The following KIAA1586 variants were observed in gnomAD, a reference collection of about 807,000 sequenced individuals.
KIAA1586 encodes KIAA1586, also known as E3 SUMO-protein ligase KIAA1586.
Under a neutral mutation model 6.1 loss-of-function variants are expected in KIAA1586, and 5 were observed. The ratio of observed to expected loss-of-function variants is 0.82; its 90% CI spans 0.43 to 1.73. The LOEUF (loss-of-function observed/expected upper bound fraction) is 1.73, where lower values mean the gene tolerates loss of function less well. KIAA1586 is among the 40% of genes most tolerant of loss of function. The pLI is 0.02. For missense variants in KIAA1586, 899 were observed against 878.2 expected (o/e 1.02, Z -0.30); for synonymous variants, 280 against 301.7 (o/e 0.93, Z 0.75).
chr6:57,052,145 T>C (rs1015715335), intron 3 of KIAA1586, among the ~76,000 whole-genome samples: 4 of 152,250 alleles, frequency 2.6e-5, no homozygotes, highest in Non-Finnish European at 5.9e-5. Flanking sequence ...GCCCTTCATA[T>C]ACTGTGGGTT....
At position 57,053,347 on chromosome 6, in the gene KIAA1586, A is replaced by G; in HGVS notation, c.848A>G (p.Asn283Ser). The change falls in exon 4 of 4, where the codon AAT (asparagine) becomes AGT (serine). Residue 283 changes from asparagine (N) to serine (S), a missense_variant. By Grantham distance (46) the Asn-to-Ser change is conservative. Transcript: ENST00000370733. ...QEKNGEVNCL[N>S]TRYSATRIAE... ...AAAAATGGAGAGGTAAATTGTTTAA[A>G]TACACGTTACAGTGCAACAAGAATA... is the stretch of plus-strand genomic sequence containing the variant. The G allele has an allele frequency of 6.2e-7, 1 of 1,612,684 alleles. No homozygotes were observed. The highest frequency in any genetic ancestry group is 8.5e-7 in the Non-Finnish European group (1 of 1,179,198).
chr6:57,054,985 G>A lies in KIAA1586; in HGVS notation c.*122G>A. The A allele has an allele frequency of 8.9e-7, 1 of 1,124,618 alleles. No homozygotes were observed. The highest frequency in any genetic ancestry group is 1.2e-6 in the Non-Finnish European group (1 of 821,174). 69.7% of individuals were successfully genotyped at this position (1,124,618 alleles called of 1,614,324 possible). ...TTATCAGCATGTTGCTGTTTAAAAG[G>A]CGTTCTTTAAGAAGATAATCTTGAA... On this transcript the variant is annotated 3_prime_UTR_variant, in exon 4 of 4. Transcript: ENST00000370733.
At chr6:57,050,948 GGC>G in intron 3 of KIAA1586, 94 bp downstream of exon 3, 1 of 919,608 alleles carries the variant, frequency 1.1e-6, no homozygotes, top group East Asian at 2.6e-5. Flanking sequence ...ACTAATTGTT[GGC>G]CAGGCACGGT....
chr6:57,058,785 G>T (rs534916531), downstream of KIAA1586, among the ~76,000 whole-genome samples: 1 of 152,246 alleles, frequency 6.6e-6, no homozygotes, highest in South Asian at 2.1e-4. Flanking sequence ...TAAATTTACT[G>T]TAAAAAATAA....
intron 3 of KIAA1586, 48 bp downstream of exon 3, chr6:57,050,902 T>C: frequency 1.5e-6 from 2 of 1,331,534 alleles, no homozygotes; most frequent in Non-Finnish European, 2.2e-6. Context: ...TTAAGTGCAA[T>C]AGTGTGTTGG....
the KIAA1586 span, among the ~76,000 whole-genome samples, chr6:57,066,814 A>C: frequency 1.3e-5 from 2 of 152,136 alleles, no homozygotes; most frequent in African/African-American, 2.4e-5. Context: ...ATGCGGTGTC[A>C]TAGTTCTGAG....
downstream of KIAA1586, among the ~76,000 whole-genome samples, chr6:57,060,161 A>G (rs768815922): frequency 6.6e-6 from 1 of 152,184 alleles, no homozygotes; most frequent in Non-Finnish European, 1.5e-5. Flanking sequence ...TAGCAAATCT[A>G]GAGATGGCTA....
At chr6:57,064,220 T>G in the KIAA1586 span, among the ~76,000 whole-genome samples, 2 of 152,232 alleles carry the variant, frequency 1.3e-5, no homozygotes, top group African/African-American at 4.8e-5. Context: ...AAATTTAAGT[T>G]GTATTCCTAC....
In KIAA1586 at chr6:57,053,390, AGAAAT is replaced by A. The variant is rs1195140299; in HGVS notation, c.895_899del (p.Met299AspfsTer5). ...CAAGAATAGCAGAACATATTGCAAA[AGAAAT>A]GAAGATGAAGATATTTAAGAATATT... On this transcript the variant is annotated frameshift_variant, in exon 4 of 4. Coordinates refer to ENST00000370733, the MANE Select transcript of KIAA1586 (RefSeq NM_020931.4). LOFTEE classifies it low-confidence loss of function (END_TRUNC). The A allele has an allele frequency of 2.5e-6, 4 of 1,609,158 alleles. No individual in the cohort carries two copies. The highest frequency in any genetic ancestry group is 4.5e-5 in the East Asian group (2 of 44,808).
In KIAA1586 at chr6:57,050,815, C is replaced by A. The variant is rs1441426955; in HGVS notation, c.147C>A (p.Val49=). ...CTGTTCTTGAATACATCGATCTGGT[C>A]TGTGGTGATGATGAAAACCCTAGCG... ...SRPVLEYIDL[V]CGDDENPSAY... Residue 49 remains valine (V), a synonymous_variant, in exon 3 of 4, where the codon GTC becomes GTA. Coordinates refer to ENST00000370733, the MANE Select transcript of KIAA1586 (RefSeq NM_020931.4). 1 of 1,613,220 alleles carries A rather than the reference C, an allele frequency of 6.2e-7. No homozygotes were observed. Among genetic ancestry groups the A allele is most frequent in the South Asian group, 1.1e-5 (1 of 91,030 alleles).
At chr6:57,051,755 G>A (rs910979291) in intron 3 of KIAA1586, among the ~76,000 whole-genome samples, 2 of 152,288 alleles carry the variant, frequency 1.3e-5, no homozygotes, top group South Asian at 2.1e-4. Context: ...CCAGTATAGT[G>A]AAACCTCATC....
intron 2 of KIAA1586, among the ~76,000 whole-genome samples, chr6:57,049,857 A>G (rs147729054): frequency 2.0e-5 from 3 of 152,310 alleles, no homozygotes; most frequent in South Asian, 2.1e-4. Flanking sequence ...AGGGTAGTGT[A>G]TATGTAAAGA....
intron 2 of KIAA1586, among the ~76,000 whole-genome samples, chr6:57,048,823 C>G (rs1373631260): frequency 2.6e-5 from 4 of 152,076 alleles, no homozygotes; most frequent in Admixed American, 1.3e-4. Flanking sequence ...ACGTCTGATT[C>G]ATGATCCATG....
At chr6:57,055,323 A>C (rs1828481750), downstream of KIAA1586, 1 of 150,654 alleles carries the variant, frequency 6.6e-6, no homozygotes, top group South Asian at 2.1e-4. Context: ...TAAAAGTAAA[A>C]TTTTTATTTA....
Position 57,054,148 on chromosome 6 carries a change from T to C in KIAA1586, c.1649T>C (p.Ile550Thr), listed in dbSNP as rs1409918202. 5 of 1,589,468 alleles carry C rather than the reference T, an allele frequency of 3.1e-6. No individual in the cohort carries two copies. The highest frequency in any genetic ancestry group is 1.1e-5 in the South Asian group (1 of 87,536). ...GCATTACAGTCAAGATCAACTAATA[T>C]TAAGAAAGCACAAAAATTGATCAAA... is the stretch of plus-strand genomic sequence containing the variant. Reference protein sequence around the residue: ...STALQSRSTNIKKAQKLIKRT... With the variant: ...STALQSRSTNTKKAQKLIKRT... Residue 550 changes from isoleucine to threonine, a missense_variant, in exon 4 of 4, where the codon ATT (isoleucine) becomes ACT (threonine). Transcript: ENST00000370733.
chr6:57,052,524 G>T (rs1339354526), intron 3 of KIAA1586, among the ~76,000 whole-genome samples, 162 bp from the exon 4 acceptor site: 1 of 152,102 alleles, frequency 6.6e-6, no homozygotes, highest in Non-Finnish European at 1.5e-5. Context: ...GGTTTTTCAA[G>T]AAATAGCAAG....
rs139714951 is a variant in KIAA1586, at chr6:57,054,123, G to A, written c.1624G>A (p.Ala542Thr). Residue 542 changes from alanine (A) to threonine (T), a missense_variant, in exon 4 of 4, where the codon GCA becomes ACA. Transcript: ENST00000370733. ...TGAAGAATTTTCAGTACTTTCAACT[G>A]CATTACAGTCAAGATCAACTAATAT... ...ILEEFSVLST[A>T]LQSRSTNIKK... The A allele has an allele frequency of 4.9e-5, 78 of 1,604,138 alleles. No homozygotes were observed. Among genetic ancestry groups the A allele is most frequent in the Non-Finnish European group, 6.5e-5 (77 of 1,176,164 alleles).
At position 57,053,568 on chromosome 6, in the gene KIAA1586, A is replaced by C. The variant is rs200333074; in HGVS notation, c.1069A>C (p.Thr357Pro). The C allele has an allele frequency of 6.2e-7, 1 of 1,612,546 alleles. No homozygotes were observed. Among genetic ancestry groups the C allele is most frequent in the Non-Finnish European group, 8.5e-7 (1 of 1,178,904 alleles). ...LFVALKELVS[T>P]IAECIVNTLL... ...TGTGGCTTTAAAAGAATTGGTGTCA[A>C]CTATAGCAGAGTGTATTGTCAATAC... is the stretch of plus-strand genomic sequence containing the variant. Residue 357 changes from threonine to proline, a missense_variant, in exon 4 of 4, where the codon ACT (threonine) becomes CCT (proline). Thr to Pro is a conservative substitution (Grantham distance 38). Coordinates refer to ENST00000370733, the MANE Select transcript of KIAA1586 (RefSeq NM_020931.4).
the KIAA1586 span, among the ~76,000 whole-genome samples, chr6:57,064,279 T>C: frequency 6.6e-6 from 1 of 152,242 alleles, no homozygotes; most frequent in Non-Finnish European, 1.5e-5. Context: ...AGAATAAAAG[T>C]TGAAGTCATA....
Sources: allele counts gnomAD v4.1 joint callset (sites outside exome capture counted in the v4.1 genomes callset), GRCh38; gene constraint gnomAD v4.1.1; transcripts MANE v1.5; gene names NCBI Gene and HGNC (gene_info 2026-07-23, HGNC 2026-07-21).